Variants in MEI1 observed in about 807,000 individuals in gnomAD.
The protein encoded by MEI1 is meiosis inhibitor protein 1.
MEI1 carries 103 observed loss-of-function variants against 146.2 expected under a neutral mutation model. The observed-to-expected ratio is 0.70, with a 90% CI of 0.60 to 0.83. The LOEUF is 0.83. Ranked by LOEUF, MEI1 falls within the 40% of genes least tolerant of loss-of-function variation. The pLI, the probability that MEI1 is intolerant of heterozygous loss-of-function variation, is 0.00. For missense variants in MEI1, 1,529 were observed against 1,533.0 expected, an observed-to-expected ratio of 1.00 and a Z score of 0.04; for synonymous variants, 652 against 628.2, an observed-to-expected ratio of 1.04 and a Z score of -0.57.
intron 22 of MEI1, among the ~76,000 whole-genome samples, 153 bp from the exon 23 acceptor site, chr22:41,781,131 A>G (rs2075738200): frequency 6.6e-6 from 1 of 152,120 alleles, no homozygotes; most frequent in African/African-American, 2.4e-5. Flanking sequence ...AAGGTTTGTC[A>G]CTGTGTTTCT....
chr22:41,750,927 G>A (rs2073702725), intron 15 of MEI1, among the ~76,000 whole-genome samples: 1 of 152,066 alleles, frequency 6.6e-6, no homozygotes, highest in South Asian at 2.1e-4. Context: ...GACCCAAGAG[G>A]ATCTAGTCTT....
rs749326335 is a variant in MEI1, at chr22:41,724,064, G to A, written c.855G>A (p.Val285=). The A allele has an allele frequency of 3.7e-6, 6 of 1,613,726 alleles. No homozygotes were observed. Among genetic ancestry groups the A allele is most frequent in the Non-Finnish European group, 5.1e-6 (6 of 1,179,826 alleles). Reference sequence around the variant, plus strand: ...CAGGAAATACCTCACTGCCTTTGGTGCTCAAAAAGGTAGTTGTCTTGTGAT... The same window carrying A: ...CAGGAAATACCTCACTGCCTTTGGTACTCAAAAAGGTAGTTGTCTTGTGAT... ...GSSGNTSLPL[V]LKKLLLSRDE... The change falls in exon 7 of 31, where the codon GTG becomes GTA. Residue 285 remains valine, a synonymous_variant. Coordinates refer to ENST00000401548, the MANE Select transcript of MEI1 (RefSeq NM_152513.4).
Position 41,714,074 on chromosome 22 carries a change from A to G in MEI1, c.422A>G (p.Glu141Gly). 6.3e-7 allele frequency: 1 copy of G among 1,595,894 alleles called. No individual in the cohort carries two copies. Among genetic ancestry groups the G allele is most frequent in the Non-Finnish European group, 8.5e-7 (1 of 1,170,970 alleles). Residue 141 changes from glutamate (E) to glycine (G), a missense_variant and splice_region_variant, in exon 4 of 31, where the codon GAG (glutamate) becomes GGG (glycine). This residue lies in a region of MEI1 where 1,212 missense variants were observed against 1,178.9 expected (regional missense o/e 1.03). Coordinates refer to ENST00000401548, the MANE Select transcript of MEI1 (RefSeq NM_152513.4). ...TGCCTGCTGGATGAGTGCCACAAAG[A>G]GGTCAGAAAATAGCTATGGGTTCTT... is the stretch of plus-strand genomic sequence containing the variant. Reference protein sequence around the residue: ...IRCLLDECHKELCNMPSMRGS... With the variant: ...IRCLLDECHKGLCNMPSMRGS...
At chr22:41,705,428 CCCAAATTGCTGGGGTACA>C in intron 2 of MEI1, 58 bp from the exon 3 acceptor site, 2 of 1,288,538 alleles carry the variant, frequency 1.6e-6, no homozygotes, top group Non-Finnish European at 1.1e-6. Flanking sequence ...ACCTCGGCCT[CCCAAATTGCTGGGGTACA>C]GATGTGTGCC....
chr22:41,715,267 T>C (rs2069999689), intron 4 of MEI1, among the ~76,000 whole-genome samples: 1 of 152,070 alleles, frequency 6.6e-6, no homozygotes, highest in South Asian at 2.1e-4. Flanking sequence ...TTGCCAAAAG[T>C]GGTATGACTA....
chr22:41,796,057 G>T (rs949020491), intron 30 of MEI1, among the ~76,000 whole-genome samples: 3 of 152,110 alleles, frequency 2.0e-5, no homozygotes, highest in African/African-American at 7.2e-5. Flanking sequence ...CATGCTTCAG[G>T]ACCTAGGTGC....
At position 41,718,051 on chromosome 22, in the gene MEI1, C is replaced by T. The variant is rs2070378185; in HGVS notation, c.530-20C>T. 4.4e-6 allele frequency: 7 copies of T among 1,580,514 alleles called. No homozygotes were observed. Among genetic ancestry groups the T allele is most frequent in the Non-Finnish European group, 6.0e-6 (7 of 1,161,038 alleles). ...GACATTGTGAAATTTCCCTTGGCTC[C>T]TTGGTTGTTTTCTGGACAGGCAACC... is the stretch of plus-strand genomic sequence containing the variant. On this transcript the variant is annotated intron_variant, in intron 5 of 30. Coordinates refer to ENST00000401548, the MANE Select transcript of MEI1 (RefSeq NM_152513.4).
chr22:41,704,236 G>A (rs1261642247), intron 2 of MEI1, among the ~76,000 whole-genome samples: 1 of 152,154 alleles, frequency 6.6e-6, no homozygotes, highest in African/African-American at 2.4e-5. Flanking sequence ...GCTTTTCTGT[G>A]CCAGAGACTT....
chr22:41,734,093 A>G (rs990345637), intron 11 of MEI1, among the ~76,000 whole-genome samples: 1 of 151,874 alleles, frequency 6.6e-6, no homozygotes, highest in African/African-American at 2.4e-5. Context: ...ACACCATTAT[A>G]CTCCAGCCTG....
chr22:41,729,803 TCCTCC>T (rs1309996067), intron 8 of MEI1, 24 bp downstream of exon 8: 6 of 1,494,346 alleles, frequency 4.0e-6, no homozygotes, highest in Admixed American at 3.9e-5. Context: ...TCTAACCTTC[TCCTCC>T]CTATACTAGA....
intron 1 of MEI1, among the ~76,000 whole-genome samples, chr22:41,702,419 G>T (rs1399864155): frequency 6.6e-6 from 1 of 151,096 alleles, no homozygotes; most frequent in East Asian, 1.9e-4. Context: ...GATTACAGGT[G>T]TGAGCCACTG....
intron 3 of MEI1, chr22:41,709,566 G>A: frequency 2.0e-6 from 1 of 504,156 alleles, no homozygotes; most frequent in Non-Finnish European, 3.8e-6. Flanking sequence ...CGGTCCAGGG[G>A]TTGTTCTCGC....
At chr22:41,735,047 C>T (rs547738019) in intron 11 of MEI1, among the ~76,000 whole-genome samples, 7 of 147,614 alleles carry the variant, frequency 4.7e-5, no homozygotes, top group East Asian at 2.0e-4. Flanking sequence ...CTGCAACCTC[C>T]GCCTCCCAGG....
rs185344147 is a variant in MEI1 at position 41,741,869 on chromosome 22, G to A, written c.1332-1211G>A. ...TGAGGCAGGAGAATCACTTAAACCC[G>A]GGAGGCAGAGGTTGCAGTGAGCTTA... On this transcript the variant is annotated intron_variant, in intron 11 of 30. Coordinates refer to ENST00000401548, the MANE Select transcript of MEI1 (RefSeq NM_152513.4). 1.4e-3 allele frequency among the ~76,000 whole-genome samples: 217 copies of A among 151,530 alleles called. 1 individual carries two copies. The highest frequency in any genetic ancestry group is 5.1e-3 in the African/African-American group (212 of 41,244).
At chr22:41,758,863 C>G (rs2074270386) in intron 18 of MEI1, among the ~76,000 whole-genome samples, 1 of 152,200 alleles carries the variant, frequency 6.6e-6, no homozygotes, top group Admixed American at 6.5e-5. Flanking sequence ...AAAATCATGG[C>G]TGGGCATGGT....
At chr22:41,778,574 AC>A in intron 21 of MEI1, 133 bp from the exon 22 acceptor site, 2 of 639,158 alleles carry the variant, frequency 3.1e-6, no homozygotes, top group South Asian at 3.8e-5. Context: ...GTAAATCCCA[AC>A]AAAACACCTC....
chr22:41,755,648 G>A (rs755657009), intron 17 of MEI1, among the ~76,000 whole-genome samples: 1 of 152,162 alleles, frequency 6.6e-6, no homozygotes, highest in African/African-American at 2.4e-5. Flanking sequence ...AAACACTGGG[G>A]CTTCTTAAAT....
chr22:41,791,198 T>C (rs1172429621), intron 26 of MEI1, among the ~76,000 whole-genome samples: 1 of 152,082 alleles, frequency 6.6e-6, no homozygotes, highest in Non-Finnish European at 1.5e-5. Context: ...TTGAAAGCTC[T>C]CTCTCGGGCT....
chr22:41,773,829 C>A (rs1569300204), intron 20 of MEI1, among the ~76,000 whole-genome samples: 1 of 152,222 alleles, frequency 6.6e-6, no homozygotes, highest in Admixed American at 6.5e-5. Flanking sequence ...GAGCCAAGAT[C>A]GAGCCACTGC....
Sources: allele counts gnomAD v4.1 joint callset (sites outside exome capture counted in the v4.1 genomes callset), GRCh38; gene constraint gnomAD v4.1.1; regional missense constraint gnomAD v4.1.1; transcripts MANE v1.5; gene names NCBI Gene and HGNC (gene_info 2026-07-23, HGNC 2026-07-21).